Variants in KCNK2 observed in about 807,000 individuals in gnomAD.
KCNK2 encodes the protein potassium channel subfamily K member 2.
A neutral mutation model predicts 40.5 loss-of-function variants in KCNK2; 21 were observed. The ratio of observed to expected loss-of-function variants is 0.52; its 90% CI spans 0.37 to 0.75. The LOEUF (loss-of-function observed/expected upper bound fraction) is 0.75. Ranked by LOEUF, KCNK2 falls within the 30% of genes least tolerant of loss-of-function variation. The pLI, the probability that KCNK2 is intolerant of heterozygous loss-of-function variation, is 0.00. For missense variants in KCNK2, 399 were observed against 531.6 expected (o/e 0.75, Z 2.45); for synonymous variants, 191 against 202.2 (o/e 0.94, Z 0.47).
intron 3 of KCNK2, among the ~76,000 whole-genome samples, chr1:215,167,570 T>C (rs570550954): frequency 1.7e-3 from 252 of 152,262 alleles, no homozygotes; most frequent in African/African-American, 3.0e-3. Context: ...GTAGATATCC[T>C]TGCACAAAAC....
chr1:215,057,379 A>G lies in KCNK2; in HGVS notation c.35-28989A>G, dbSNP rs115570572. 8.2e-3 allele frequency among the ~76,000 whole-genome samples: 1,249 copies of G among 152,276 alleles called. 9 individuals are homozygous for G. Among genetic ancestry groups the G allele is most frequent in the Non-Finnish European group, 0.011 (777 of 68,016 alleles). On this transcript the variant is annotated intron_variant, in intron 1 of 6. Transcript: ENST00000391895. Reference sequence around the variant, plus strand: ...GAACTGAACTGGAGGTCAGGGTAGAAGGAGCAGGGCAGAAGGAGTAGAGTC... The same window carrying G: ...GAACTGAACTGGAGGTCAGGGTAGAGGGAGCAGGGCAGAAGGAGTAGAGTC...
chr1:215,231,380 A>G (rs141427918), intron 6 of KCNK2, among the ~76,000 whole-genome samples: 2 of 151,988 alleles, frequency 1.3e-5, no homozygotes, highest in African/African-American at 4.8e-5. Flanking sequence ...AATAAAAAGG[A>G]CTCTCACTGG....
chr1:215,028,056 A>G, intron 1 of KCNK2, among the ~76,000 whole-genome samples: 1 of 152,044 alleles, frequency 6.6e-6, no homozygotes, highest in Non-Finnish European at 1.5e-5. Flanking sequence ...TCCTTTTGGA[A>G]CTAAGATTAA....
At position 215,048,797 on chromosome 1, in the gene KCNK2, C is replaced by T. The variant is rs569294773; in HGVS notation, c.35-37571C>T. On this transcript the variant is annotated intron_variant, in intron 1 of 6. Coordinates refer to the KCNK2 transcript ENST00000391895. ...GCTGCGTCAGCCTGGGAGAATTCAT[C>T]CCAGCCTGGACATGCATCTGAGTTT... Among the ~76,000 whole-genome samples, 7 of 152,268 alleles carry T rather than the reference C, an allele frequency of 4.6e-5. No individual in the cohort carries two copies. The South Asian group carries it at 1.4e-3, about 32-fold the overall frequency.
At chr1:215,184,802 C>T (rs535854586) in intron 5 of KCNK2, among the ~76,000 whole-genome samples, 18 of 152,010 alleles carry the variant, frequency 1.2e-4, no homozygotes, top group African/African-American at 3.9e-4. Context: ...GGAACACAGC[C>T]CAAACCATAT....
At chr1:215,215,066 G>A (rs1225083196) in intron 6 of KCNK2, among the ~76,000 whole-genome samples, 3 of 152,134 alleles carry the variant, frequency 2.0e-5, no homozygotes, top group Non-Finnish European at 4.4e-5. Context: ...AGAGAAACCT[G>A]GGAATAGTTA....
At chr1:215,217,140 C>T (rs1001807491) in intron 6 of KCNK2, among the ~76,000 whole-genome samples, 2 of 152,098 alleles carry the variant, frequency 1.3e-5, no homozygotes, top group Non-Finnish European at 2.9e-5. Context: ...TCTTTTGCTG[C>T]CTGGGTATTT....
chr1:215,199,621 G>C (rs982587952), intron 6 of KCNK2, among the ~76,000 whole-genome samples: 3 of 152,124 alleles, frequency 2.0e-5, no homozygotes, highest in African/African-American at 4.8e-5. Context: ...TGGAGGGTAG[G>C]CACATGTTTA....
intron 1 of KCNK2, among the ~76,000 whole-genome samples, chr1:215,067,284 ATTAT>A (rs1658587957): frequency 6.6e-6 from 1 of 152,186 alleles, no homozygotes; most frequent in Non-Finnish European, 1.5e-5. Flanking sequence ...ATGTACAATT[ATTAT>A]TTATCAATTT....
chr1:215,148,495 T>C (rs1662538049), intron 3 of KCNK2, among the ~76,000 whole-genome samples: 1 of 152,188 alleles, frequency 6.6e-6, no homozygotes, highest in Non-Finnish European at 1.5e-5. Context: ...ACTATCTAGA[T>C]CTGAATATGT....
At position 215,230,611 on chromosome 1, in the gene KCNK2, G is replaced by GTA. The variant is rs1295600848; in HGVS notation, c.964-4207_964-4206dup. ...AATATATATATATATATATATAGCC[G>GTA]TATATATATATCTTATTCATTTGTC... is the stretch of plus-strand genomic sequence containing the variant. On this transcript the variant is annotated intron_variant, in intron 6 of 6. Transcript: ENST00000444842. 5.3e-4 allele frequency among the ~76,000 whole-genome samples: 53 copies of GTA among 99,444 alleles called. No individual in the cohort carries two copies. In the South Asian group the frequency reaches 7.5e-3, roughly 14 times the overall value. The allele number at this position is 99,444 out of a possible 152,430, so 65.2% of individuals were successfully genotyped here. A position where few individuals can be genotyped will look rare whatever the true frequency, so the allele number is the denominator to read the frequency against.
intron 5 of KCNK2, among the ~76,000 whole-genome samples, chr1:215,173,053 T>C (rs1359303136): frequency 2.0e-5 from 3 of 152,130 alleles, no homozygotes; most frequent in Non-Finnish European, 4.4e-5. Flanking sequence ...ATGTGCCATG[T>C]TGGTGTGCTG....
chr1:215,124,743 A>G lies in KCNK2; in HGVS notation c.468A>G (p.Thr156=), dbSNP rs1305673809. 1.3e-6 allele frequency: 2 copies of G among 1,571,584 alleles called. No homozygotes were observed. The highest frequency in any genetic ancestry group is 1.7e-5 in the Admixed American group (1 of 59,896). The stretch of plus-strand genomic sequence containing the variant: ...TCTTCTTTGCTGGCACTGTTATTAC[A>G]ACCATAGGTAGGAGACAACTTATTT... ...SSFFFAGTVI[T]TIGFGNISPR... The change falls in exon 3 of 7, where the codon ACA becomes ACG. Residue 156 remains threonine (T), a synonymous_variant. Transcript: ENST00000444842.
intron 6 of KCNK2, among the ~76,000 whole-genome samples, chr1:215,210,300 C>A (rs1298122482): frequency 1.3e-5 from 2 of 151,382 alleles, no homozygotes; most frequent in Admixed American, 1.3e-4. Context: ...GGTTTAATAA[C>A]TACTGTTTCA....
At chr1:215,064,929 T>C (rs1421943159) in intron 1 of KCNK2, among the ~76,000 whole-genome samples, 5 of 152,178 alleles carry the variant, frequency 3.3e-5, no homozygotes, top group African/African-American at 9.7e-5. Context: ...GATGTCACAG[T>C]ATTGTGTTAA....
At chr1:215,133,873 T>C (rs755435117) in intron 3 of KCNK2, among the ~76,000 whole-genome samples, 5 of 152,170 alleles carry the variant, frequency 3.3e-5, no homozygotes, top group Non-Finnish European at 7.3e-5. Flanking sequence ...CTAGTGATGA[T>C]ATGAACTACT....
At chr1:215,046,015 C>CATGA (rs1657754704) in intron 1 of KCNK2, among the ~76,000 whole-genome samples, 1 of 152,214 alleles carries the variant, frequency 6.6e-6, no homozygotes, top group Non-Finnish European at 1.5e-5. Flanking sequence ...GGTTGAATCA[C>CATGA]ACACGTTAAT....
At chr1:215,064,558 G>A (rs1201410883) in intron 1 of KCNK2, among the ~76,000 whole-genome samples, 1 of 152,108 alleles carries the variant, frequency 6.6e-6, no homozygotes, top group Non-Finnish European at 1.5e-5. Flanking sequence ...GCCTGGACTT[G>A]TTCAGTATTT....
At chr1:215,187,345 T>G (rs115699066) in intron 5 of KCNK2, among the ~76,000 whole-genome samples, 2,403 of 152,296 alleles carry the variant, frequency 0.016, 86 homozygotes, top group African/African-American at 0.054. Flanking sequence ...TACGTTCTGT[T>G]TCCTAACTTT....
Sources: gnomAD v4.1 joint callset for allele counts (sites outside exome capture counted in the v4.1 genomes callset) on GRCh38, gnomAD v4.1.1 for gene constraint, MANE v1.5 for transcripts, NCBI Gene and HGNC (gene_info 2026-07-23, HGNC 2026-07-21) for gene names.